SUDS3: variants seen among roughly 807,000 people sequenced by gnomAD.
The protein encoded by SUDS3 is SIN3A corepressor complex component SDS3.
In SUDS3, 23 loss-of-function variants were observed where a neutral mutation model predicts 53.5. That is an observed-to-expected ratio of 0.43 (90% CI 0.31 to 0.61). The LOEUF is 0.61. SUDS3 is among the 20% of genes least tolerant of loss of function. SUDS3 has a pLI of 0.10. For missense variants in SUDS3, 291 were observed against 405.9 expected (o/e 0.72, Z 2.43); for synonymous variants, 150 against 148.5 (o/e 1.01, Z -0.08).
chr12:118,393,634 GCTGAGATC>G (rs886942543), intron 6 of SUDS3, among the ~76,000 whole-genome samples: 20 of 151,856 alleles, frequency 1.3e-4, no homozygotes, highest in African/African-American at 4.8e-4. Context: ...TGGAGTGGAG[GCTGAGATC>G]CTGCATTTCT....
At chr12:118,405,712 A>G (rs762072823) in intron 10 of SUDS3, among the ~76,000 whole-genome samples, 4 of 152,216 alleles carry the variant, frequency 2.6e-5, no homozygotes, top group Non-Finnish European at 5.9e-5. Flanking sequence ...CCTCTTCCCC[A>G]ATGACAATTG....
At position 118,380,155 on chromosome 12, in the gene SUDS3, T is replaced by C; in HGVS notation, c.143-7T>C. The C allele has an allele frequency of 6.2e-7, 1 of 1,603,474 alleles. No homozygotes were observed. The highest frequency in any genetic ancestry group is 8.5e-7 in the Non-Finnish European group (1 of 1,174,580). ...TTAACTAGCCCCTATTTCCTAACTT[T>C]ATTCAGACACTGAGGATGCTAGTGA... On this transcript the variant is annotated splice_polypyrimidine_tract_variant and splice_region_variant and intron_variant, in intron 1 of 11. Transcript: ENST00000543473.
rs1418862379 is a variant in SUDS3 at position 118,416,689 on chromosome 12, G to T, written c.*2256G>T. 6.6e-6 allele frequency: 1 copy of T among 152,168 alleles called. No individual in the cohort carries two copies. Among genetic ancestry groups the T allele is most frequent in the African/African-American group, 2.4e-5 (1 of 41,450 alleles). 9.4% of individuals were successfully genotyped at this position (152,168 alleles called of 1,614,324 possible). A position where few individuals can be genotyped will look rare whatever the true frequency, so the allele number is the denominator to read the frequency against. On this transcript the variant is annotated 3_prime_UTR_variant, in exon 12 of 12. Transcript: ENST00000543473. ...AAAATCAGCAGTTGAAGCCTGACAG[G>T]CCTCAGTGGTGACCAGGAACAGAAG...
chr12:118,390,450 T>C (rs2046154815), intron 5 of SUDS3, among the ~76,000 whole-genome samples: 1 of 152,220 alleles, frequency 6.6e-6, no homozygotes, highest in African/African-American at 2.4e-5. Flanking sequence ...CCAGAGTGGC[T>C]AGCATGTGTG....
intron 2 of SUDS3, among the ~76,000 whole-genome samples, chr12:118,380,704 T>A (rs2046049607): frequency 1.3e-5 from 2 of 152,198 alleles, no homozygotes; most frequent in Non-Finnish European, 2.9e-5. Flanking sequence ...GACCTTTTAC[T>A]ACTTACTCTT....
intron 3 of SUDS3, among the ~76,000 whole-genome samples, chr12:118,385,073 T>C (rs539379340): frequency 6.6e-6 from 1 of 152,232 alleles, no homozygotes; most frequent in African/African-American, 2.4e-5. Flanking sequence ...CGGTTTCATA[T>C]TGTGGAGTCC....
chr12:118,400,578 G>A (rs1359253673), intron 6 of SUDS3, 81 bp from the exon 7 acceptor site: 4 of 1,314,728 alleles, frequency 3.0e-6, no homozygotes, highest in Non-Finnish European at 4.4e-6. Context: ...TGGCTGGGGG[G>A]CAGATATTCT....
intron 10 of SUDS3, among the ~76,000 whole-genome samples, chr12:118,407,086 G>A (rs575341562): frequency 3.9e-5 from 6 of 152,060 alleles, no homozygotes; most frequent in African/African-American, 1.4e-4. Context: ...TTTTAGTAGA[G>A]ATGAGGTCTT....
rs1238323135 is a variant in SUDS3 at position 118,389,792 on chromosome 12, C to T, written c.341-135C>T. 4.7e-6 allele frequency: 5 copies of T among 1,063,766 alleles called. No individual in the cohort carries two copies. In the South Asian group the frequency reaches 7.1e-5, roughly 15 times the overall value. 65.9% of individuals were successfully genotyped at this position (1,063,766 alleles called of 1,614,324 possible). ...TGTCCTTTCCCTTCGTGTATATCAA[C>T]ATTTCACTGATGAAAACATTTGCTT... is the stretch of plus-strand genomic sequence containing the variant. On this transcript the variant is annotated intron_variant, in intron 4 of 11. Coordinates refer to ENST00000543473, the MANE Select transcript of SUDS3 (RefSeq NM_022491.3).
chr12:118,400,837 TG>T lies in SUDS3; in HGVS notation c.613+85del, dbSNP rs2141381349. On this transcript the variant is annotated intron_variant, in intron 7 of 11. Transcript: ENST00000543473. ...GTTTATCCGTTTGCTAGGGTACACA[TG>T]GCCGTTGTCCTACAGAAAATAGTAA... is the stretch of plus-strand genomic sequence containing the variant. The T allele has an allele frequency of 6.3e-6, 8 of 1,273,900 alleles. No homozygotes were observed. In the South Asian group the frequency reaches 7.1e-5, roughly 11 times the overall value. 78.9% of individuals were successfully genotyped at this position (1,273,900 alleles called of 1,614,324 possible). A position where few individuals can be genotyped will look rare whatever the true frequency, so the allele number is the denominator to read the frequency against.
chr12:118,392,409 G>T (rs1370108846), intron 6 of SUDS3, among the ~76,000 whole-genome samples: 2 of 152,186 alleles, frequency 1.3e-5, no homozygotes, highest in Non-Finnish European at 2.9e-5. Flanking sequence ...AGAGAATGTG[G>T]TTGTGCCTAA....
intron 5 of SUDS3, among the ~76,000 whole-genome samples, chr12:118,390,516 A>G (rs1019050931): frequency 2.0e-5 from 3 of 152,150 alleles, no homozygotes; most frequent in African/African-American, 7.2e-5. Context: ...ATTGGAACCC[A>G]GTTTCCTTAA....
At chr12:118,386,060 T>G in intron 3 of SUDS3, 54 bp from the exon 4 acceptor site, 6 of 1,395,444 alleles carry the variant, frequency 4.3e-6, no homozygotes, top group Non-Finnish European at 6.0e-6. Flanking sequence ...GGAAGCAAAA[T>G]GTAGAGCAGA....
At position 118,411,079 on chromosome 12, in the gene SUDS3, C is replaced by T. The variant is rs2046355387; in HGVS notation, c.810C>T (p.His270=). ...GKLYYDKRWY[H]KSQAIYLESK... is the part of the protein sequence containing the mutation. ...TGTGCCTTGTTTTTGTCAGGTACCA[C>T]AAGAGCCAGGCCATCTATCTGGAGT... The change falls in exon 11 of 12, where the codon CAC becomes CAT. Residue 270 remains histidine (H), a synonymous_variant. Coordinates refer to ENST00000543473, the MANE Select transcript of SUDS3 (RefSeq NM_022491.3). 6.2e-7 allele frequency: 1 copy of T among 1,604,896 alleles called. No individual in the cohort carries two copies. Among genetic ancestry groups the T allele is most frequent in the Non-Finnish European group, 8.5e-7 (1 of 1,175,700 alleles).
At chr12:118,386,762 C>T (rs1457253687) in intron 4 of SUDS3, among the ~76,000 whole-genome samples, 1 of 152,134 alleles carries the variant, frequency 6.6e-6, no homozygotes, top group East Asian at 1.9e-4. Flanking sequence ...CTTTAGGACA[C>T]TTGGTGTTTC....
chr12:118,411,588 C>T (rs1295903128), intron 11 of SUDS3, among the ~76,000 whole-genome samples: 5 of 152,104 alleles, frequency 3.3e-5, no homozygotes, highest in Non-Finnish European at 5.9e-5. Context: ...ACTTCCACCT[C>T]CCAGGTTCAA....
chr12:118,396,896 G>A (rs2046220768), intron 6 of SUDS3, among the ~76,000 whole-genome samples: 1 of 152,196 alleles, frequency 6.6e-6, no homozygotes, highest in African/African-American at 2.4e-5. Flanking sequence ...TCCCTGTGGT[G>A]AGGGGTGAGG....
chr12:118,394,495 T>C lies in SUDS3; in HGVS notation c.517+3213T>C, dbSNP rs549164342. 1.8e-4 allele frequency among the ~76,000 whole-genome samples: 27 copies of C among 152,302 alleles called. 1 individual carries two copies. The highest frequency in any genetic ancestry group is 6.3e-4 in the African/African-American group (26 of 41,574). ...TTCACCACCACTACTACTGACTCTC[T>C]GCAGATACCATAGATACATGTGGTG... On this transcript the variant is annotated intron_variant, in intron 6 of 11. Coordinates refer to ENST00000543473, the MANE Select transcript of SUDS3 (RefSeq NM_022491.3).
At chr12:118,393,429 G>A (rs757319556) in intron 6 of SUDS3, among the ~76,000 whole-genome samples, 5 of 152,264 alleles carry the variant, frequency 3.3e-5, no homozygotes, top group East Asian at 3.9e-4. Context: ...GACTTAAAGC[G>A]TTTATAAACC....
Sources: gnomAD v4.1 joint callset for allele counts (sites outside exome capture counted in the v4.1 genomes callset) on GRCh38, gnomAD v4.1.1 for gene constraint, MANE v1.5 for transcripts, NCBI Gene and HGNC (gene_info 2026-07-23, HGNC 2026-07-21) for gene names.